Variants in ASZ1 observed in about 807,000 individuals in gnomAD.
ASZ1 encodes the protein ankyrin repeat, SAM and basic leucine zipper domain containing 1.
In ASZ1, 67 loss-of-function variants were observed where a neutral mutation model predicts 61.8. The observed-to-expected ratio is 1.08, with a 90% CI of 0.89 to 1.33. The LOEUF (loss-of-function observed/expected upper bound fraction) is 1.33, where lower values mean the gene tolerates loss of function less well. Among genes scored for constraint, ASZ1 ranks in the 40% most tolerant of loss-of-function variants. The pLI is 0.00. For missense variants in ASZ1, 577 were observed against 554.5 expected, an observed-to-expected ratio of 1.04 and a Z score of -0.41; for synonymous variants, 193 against 192.7, an observed-to-expected ratio of 1.00 and a Z score of -0.01.
intron 4 of ASZ1, among the ~76,000 whole-genome samples, chr7:117,405,016 T>C (rs1796755548): frequency 6.6e-6 from 1 of 152,170 alleles, no homozygotes; most frequent in African/African-American, 2.4e-5. Flanking sequence ...TGTGGTGTGC[T>C]GCCCTCTTTC....
At chr7:117,401,566 G>A (rs906749160) in intron 4 of ASZ1, among the ~76,000 whole-genome samples, 1 of 152,088 alleles carries the variant, frequency 6.6e-6, no homozygotes. Flanking sequence ...ATCAACAAAT[G>A]AGACATAGAG....
intron 4 of ASZ1, among the ~76,000 whole-genome samples, chr7:117,395,971 G>C (rs1437788127): frequency 6.6e-6 from 1 of 152,176 alleles, no homozygotes; most frequent in Non-Finnish European, 1.5e-5. Context: ...GAGCACAGCT[G>C]TGTTCCAGTG....
In ASZ1 at chr7:117,379,987, C is replaced by T; in HGVS notation, c.1006G>A (p.Glu336Lys). The change falls in exon 10 of 13, where the codon GAA (glutamate) becomes AAA (lysine). Residue 336 changes from glutamate to lysine, a missense_variant. Coordinates refer to ENST00000284629, the MANE Select transcript of ASZ1 (RefSeq NM_130768.3). The stretch of plus-strand genomic sequence containing the variant: ...GATAGCTCTCCAAATTGTATCTCTT[C>T]TACCTGTAGTTCTTTAAGAGCAGCC... ...ILAALKELQV[E>K]EIQFGELSEE... The T allele has an allele frequency of 6.2e-7, 1 of 1,607,836 alleles. No individual in the cohort carries two copies. Among genetic ancestry groups the T allele is most frequent in the Non-Finnish European group, 8.5e-7 (1 of 1,176,864 alleles).
chr7:117,371,794 C>G (rs1251893464), intron 10 of ASZ1, among the ~76,000 whole-genome samples: 1 of 152,008 alleles, frequency 6.6e-6, no homozygotes, highest in Non-Finnish European at 1.5e-5. Flanking sequence ...AAATTAAGAT[C>G]CATTGAGAAT....
rs753114877 is a variant in ASZ1, at chr7:117,426,868, T to A, written c.173A>T (p.Asp58Val). Residue 58 changes from aspartate (D) to valine (V), a missense_variant, in exon 2 of 13, where the codon GAT becomes GTT. Physicochemically the swap from Asp to Val is radical, Grantham distance 152 (BLOSUM62 -3). Transcript: ENST00000284629. ...TAGGAGCTCCTGGACCAATGAAACA[T>A]CTCCGATGGTCATTGCTTTCTTAAA... The part of the protein sequence containing the change: ...EKFKKAMTIG[D>V]VSLVQELLDS... 3.1e-6 allele frequency: 5 copies of A among 1,613,234 alleles called. No individual in the cohort carries two copies. Among genetic ancestry groups the A allele is most frequent in the Non-Finnish European group, 4.2e-6 (5 of 1,179,790 alleles).
intron 11 of ASZ1, chr7:117,368,372 A>G: frequency 1.7e-6 from 2 of 1,175,902 alleles, no homozygotes; most frequent in Non-Finnish European, 2.1e-6. Flanking sequence ...CAATACACGG[A>G]TCAGTTTAAT....
At position 117,370,008 on chromosome 7, in the gene ASZ1, G is replaced by T. The variant is rs994780270; in HGVS notation, c.1056-1291C>A. On this transcript the variant is annotated intron_variant, in intron 10 of 12. Coordinates refer to ENST00000284629, the MANE Select transcript of ASZ1 (RefSeq NM_130768.3). ...GGATTGTGCCTAGTACATAGCTGGT[G>T]TTCAAGCAAACATAATTATGATGAC... Among the ~76,000 whole-genome samples the T allele has an allele frequency of 2.6e-5, 4 of 152,112 alleles. No homozygotes were observed. In the South Asian group the frequency reaches 6.2e-4, roughly 24 times the overall value.
intron 4 of ASZ1, among the ~76,000 whole-genome samples, chr7:117,413,844 A>T (rs1409334698): frequency 3.3e-5 from 5 of 152,098 alleles, no homozygotes; most frequent in Admixed American, 6.6e-5. Flanking sequence ...TAAACTTTAA[A>T]AATCTAGAAG....
chr7:117,380,189 A>G, intron 9 of ASZ1, 142 bp from the exon 10 acceptor site: 1 of 593,966 alleles, frequency 1.7e-6, no homozygotes, highest in Non-Finnish European at 2.9e-6. Context: ...CTTCTAAAAA[A>G]TATGTTTTTC....
chr7:117,369,506 G>C (rs1469779417), intron 10 of ASZ1, among the ~76,000 whole-genome samples: 1 of 152,078 alleles, frequency 6.6e-6, no homozygotes, highest in African/African-American at 2.4e-5. Flanking sequence ...TGGATAAAAG[G>C]AACACAAAAA....
chr7:117,406,378 G>C (rs1266256803), intron 4 of ASZ1, among the ~76,000 whole-genome samples: 2 of 152,190 alleles, frequency 1.3e-5, no homozygotes, highest in African/African-American at 2.4e-5. Flanking sequence ...GGAATGAAGA[G>C]AGCCATAAAG....
rs1260151235 is a variant in ASZ1, at chr7:117,401,483, CTTG to C, written c.441-15677_441-15675del. ...AATCAACAATAAGAGTAACAGCTGA[CTTG>C]TTGTGCTGGACCCCTACTGGCTCCA... On this transcript the variant is annotated intron_variant, in intron 4 of 12. Transcript: ENST00000284629. Among the ~76,000 whole-genome samples, 10 of 151,696 alleles carry C rather than the reference CTTG, an allele frequency of 6.6e-5. No homozygotes were observed. In the East Asian group the frequency reaches 1.6e-3, roughly 24 times the overall value.
chr7:117,379,162 T>C lies in ASZ1; in HGVS notation c.1055+776A>G, dbSNP rs1450782358. On this transcript the variant is annotated intron_variant, in intron 10 of 12. Transcript: ENST00000284629. ...ATATATATATATATATATATATATA[T>C]ATATATACACACACACACACACACA... 2.8e-3 allele frequency among the ~76,000 whole-genome samples: 158 copies of C among 57,042 alleles called. 1 individual carries two copies. The highest frequency in any genetic ancestry group is 0.018 in the African/African-American group (153 of 8,478). The allele number at this position is 57,042 out of a possible 152,430, so 37.4% of individuals were successfully genotyped here.
intron 2 of ASZ1, among the ~76,000 whole-genome samples, chr7:117,423,597 G>A (rs1241150704): frequency 6.7e-6 from 1 of 149,882 alleles, no homozygotes; most frequent in Non-Finnish European, 1.5e-5. Flanking sequence ...TGTAATCCCA[G>A]CACTTTGGGA....
chr7:117,368,442 A>G, intron 11 of ASZ1, 170 bp downstream of exon 11: 1 of 1,314,656 alleles, frequency 7.6e-7, no homozygotes, highest in Non-Finnish European at 9.6e-7. Context: ...TAAAATCAGT[A>G]TGTAAAGGAG....
At chr7:117,382,915 C>T in intron 7 of ASZ1, 71 bp downstream of exon 7, 1 of 1,371,498 alleles carries the variant, frequency 7.3e-7, no homozygotes, top group Non-Finnish European at 9.6e-7. Flanking sequence ...TAAGTCACCA[C>T]ATTTACTACA....
In ASZ1 at chr7:117,372,649, G is replaced by A. The variant is rs187032634; in HGVS notation, c.1056-3932C>T. ...AGATAAAATTTACACTTTAAATAAA[G>A]GTATTTATAAGCAAAGGTATTATGC... On this transcript the variant is annotated intron_variant, in intron 10 of 12. Transcript: ENST00000284629. 2.7e-4 allele frequency among the ~76,000 whole-genome samples: 40 copies of A among 145,996 alleles called. No homozygotes were observed. In the East Asian group the frequency reaches 6.8e-3, roughly 25 times the overall value.
chr7:117,402,479 G>C (rs1330618532), intron 4 of ASZ1, among the ~76,000 whole-genome samples: 1 of 152,058 alleles, frequency 6.6e-6, no homozygotes, highest in Admixed American at 6.5e-5. Flanking sequence ...TCCATAGTTG[G>C]GACTAGAACC....
Position 117,363,557 on chromosome 7 carries a change from A to G in ASZ1, c.*39T>C. The G allele has an allele frequency of 6.8e-7, 1 of 1,462,344 alleles. No homozygotes were observed. The highest frequency in any genetic ancestry group is 1.5e-5 in the South Asian group (1 of 67,334). The allele number at this position is 1,462,344 out of a possible 1,614,324, so 90.6% of individuals were successfully genotyped here. A position where few individuals can be genotyped will look rare whatever the true frequency, so the allele number is the denominator to read the frequency against. The stretch of plus-strand genomic sequence containing the variant: ...AAAAGCAATGATTTTTGGATGGTTC[A>G]ATAAGATGTGTATATATAACTTAAA... On this transcript the variant is annotated 3_prime_UTR_variant, in exon 13 of 13. Transcript: ENST00000284629.
Sources: gnomAD v4.1 joint callset for allele counts (sites outside exome capture counted in the v4.1 genomes callset) on GRCh38, gnomAD v4.1.1 for gene constraint, MANE v1.5 for transcripts, NCBI Gene and HGNC (gene_info 2026-07-23, HGNC 2026-07-21) for gene names.